ADAM11: variants seen among roughly 807,000 people sequenced by gnomAD.
ADAM11 encodes the protein disintegrin and metalloproteinase domain-containing protein 11.
Under a neutral mutation model 119.1 loss-of-function variants are expected in ADAM11, and 49 were observed. That is an observed-to-expected ratio of 0.41 (90% CI 0.33 to 0.52). ADAM11 has a LOEUF of 0.52. Ranked by LOEUF, ADAM11 falls within the 20% of genes least tolerant of loss-of-function variation. The probability of loss-of-function intolerance (pLI) is 0.20; values close to 1 mark genes in which losing one functional copy is unlikely to be tolerated. For missense variants in ADAM11, 777 were observed against 1,047.5 expected (o/e 0.74, Z 3.56); for synonymous variants, 364 against 408.0 (o/e 0.89, Z 1.30).
At position 44,774,509 on chromosome 17, in the gene ADAM11, G is replaced by A; in HGVS notation, c.1095G>A (p.Ala365=). ...GGVNEYGNMG[A]MAVTLAQTLG... is the part of the protein sequence containing the mutation. ...ACCCCCAGTACGGCAACATGGGGGC[G>A]ATGGCCGTGACCCTTGCCCAGACGC... Residue 365 remains alanine (A), a synonymous_variant, in exon 13 of 27, where the codon GCG becomes GCA. Transcript: ENST00000200557. The A allele has an allele frequency of 1.9e-6, 3 of 1,613,114 alleles. No homozygotes were observed. Among genetic ancestry groups the A allele is most frequent in the East Asian group, 2.2e-5 (1 of 44,850 alleles).
In ADAM11 at chr17:44,779,564, C is replaced by CATCT. The variant is rs1251814926; in HGVS notation, c.2295-174_2295-171dup. ...CCGGGAGGGCCCTCCCTGTGCGTCC[C>CATCT]ATCTGTTTTGTCTTCCATATCACCA... On this transcript the variant is annotated intron_variant, in intron 26 of 26. Transcript: ENST00000200557. The CATCT allele has an allele frequency of 3.0e-6, 3 of 985,300 alleles. No homozygotes were observed. In the African/African-American group the frequency reaches 5.2e-5, roughly 17 times the overall value. The allele number at this position is 985,300 out of a possible 1,614,324, so 61.0% of individuals were successfully genotyped here.
In ADAM11 at chr17:44,772,691, C is replaced by T. The variant is rs960237426; in HGVS notation, c.679-166C>T. On this transcript the variant is annotated intron_variant, in intron 8 of 26. Coordinates refer to ENST00000200557, the MANE Select transcript of ADAM11 (RefSeq NM_002390.6). This position sits in a 1 kb window ranked among gnomAD's most constrained non-coding sequence, Gnocchi z 4.5. ...CCTGGGCAAACCGAGGCTGCCTGCC[C>T]TCATTCCAAAGCTGAGGAAGGACAG... is the stretch of plus-strand genomic sequence containing the variant. Among the ~76,000 whole-genome samples, 3 of 152,204 alleles carry T rather than the reference C, an allele frequency of 2.0e-5. No homozygotes were observed. The East Asian group carries it at 5.8e-4, about 29-fold the overall frequency.
Position 44,777,430 on chromosome 17 carries a change from A to T in ADAM11, c.1782-52A>T. ...GGGTGAGGGCAGATTAGAGTTCAGT[A>T]GTTGAGTCTGAGGTCAAACTTGGGG... On this transcript the variant is annotated intron_variant, in intron 21 of 26. Transcript: ENST00000200557. The surrounding 1 kb of genome is among the most constrained non-coding windows in gnomAD (Gnocchi z 5.1). 6.3e-7 allele frequency: 1 copy of T among 1,590,052 alleles called. No homozygotes were observed. The highest frequency in any genetic ancestry group is 8.6e-7 in the Non-Finnish European group (1 of 1,159,158).
At position 44,777,331 on chromosome 17, in the gene ADAM11, G is replaced by T. The variant is rs953762066; in HGVS notation, c.1781+66G>T. 6.5e-7 allele frequency: 1 copy of T among 1,548,376 alleles called. No individual in the cohort carries two copies. The highest frequency in any genetic ancestry group is 8.8e-7 in the Non-Finnish European group (1 of 1,137,612). ...CAGGTGTGAGACTTTTCAGAGATGG[G>T]GCAGCAGGTTCTCCCAGGAGGAGCC... On this transcript the variant is annotated intron_variant, in intron 21 of 26. Transcript: ENST00000200557. This position sits in a 1 kb window ranked among gnomAD's most constrained non-coding sequence, Gnocchi z 5.1.
intron 3 of ADAM11, 68 bp downstream of exon 3, chr17:44,769,862 C>T: frequency 6.4e-7 from 1 of 1,574,526 alleles, no homozygotes; most frequent in Non-Finnish European, 8.7e-7. Context: ...TAGGGCCTGG[C>T]TGCTGGGGGT....
rs762285647 is a variant in ADAM11, at chr17:44,780,280, C to A, written c.*526C>A. 17 of 407,248 alleles carry A rather than the reference C, an allele frequency of 4.2e-5. No homozygotes were observed. The highest frequency in any genetic ancestry group is 8.1e-5 in the Non-Finnish European group (17 of 209,570). The allele number at this position is 407,248 out of a possible 1,614,324, so 25.2% of individuals were successfully genotyped here. On this transcript the variant is annotated 3_prime_UTR_variant, in exon 27 of 27. Transcript: ENST00000200557. ...ATGTTTTGACATTTACAGGAGGGCC[C>A]GGAGAAACTGAGGTATGGCCATGCC...
intron 4 of ADAM11, 50 bp downstream of exon 4, chr17:44,770,098 TTTCTGTGG>T (rs757317211): frequency 6.3e-7 from 1 of 1,599,722 alleles, no homozygotes; most frequent in South Asian, 1.1e-5. Flanking sequence ...GGAGGTGCTG[TTTCTGTGG>T]TTCTGTGGTC....
Position 44,775,382 on chromosome 17 carries a change from C to T in ADAM11, c.1321-12C>T. 1 of 1,612,792 alleles carries T rather than the reference C, an allele frequency of 6.2e-7. No individual in the cohort carries two copies. Among genetic ancestry groups the T allele is most frequent in the South Asian group, 1.1e-5 (1 of 91,062 alleles). On this transcript the variant is annotated splice_polypyrimidine_tract_variant and intron_variant, in intron 15 of 26. Transcript: ENST00000200557. This position sits in a 1 kb window ranked among gnomAD's most constrained non-coding sequence, Gnocchi z 7.5. Reference sequence around the variant, plus strand: ...GTCCGGGCCAGACTCCCGACCTGTCCTCCCGGTCCAGCTCCTGGACCCCCC... The same window carrying T: ...GTCCGGGCCAGACTCCCGACCTGTCTTCCCGGTCCAGCTCCTGGACCCCCC...
rs899474287 is a variant in ADAM11 at position 44,773,952 on chromosome 17, G to C, written c.993-343G>C. Among the ~76,000 whole-genome samples the C allele has an allele frequency of 6.6e-6, 1 of 152,272 alleles. No homozygotes were observed. The highest frequency in any genetic ancestry group is 6.5e-5 in the Admixed American group (1 of 15,300). ...CTCAAAATACAAAAATTAGCCAGGC[G>C]TGGTGGTGTGCACCTGTAGTCCCAG... is the stretch of plus-strand genomic sequence containing the variant. On this transcript the variant is annotated intron_variant, in intron 11 of 26. Coordinates refer to ENST00000200557, the MANE Select transcript of ADAM11 (RefSeq NM_002390.6). This position sits in a 1 kb window ranked among gnomAD's most constrained non-coding sequence, Gnocchi z 4.6.
At position 44,777,851 on chromosome 17, in the gene ADAM11, C is replaced by T. The variant is rs1184145089; in HGVS notation, c.2058C>T (p.Cys686=). ...TCPGSGERRI[C]SHHGVCSNEG... is the part of the protein sequence containing the mutation. The stretch of plus-strand genomic sequence containing the variant: ...CCGGCAGTGGGGAGCGCCGGATTTG[C>T]TCCCACCACGGGGTGACTGCCTGGA... Residue 686 remains cysteine (C), a synonymous_variant, in exon 23 of 27, where the codon TGC becomes TGT. Coordinates refer to ENST00000200557, the MANE Select transcript of ADAM11 (RefSeq NM_002390.6). This position sits in a 1 kb window ranked among gnomAD's most constrained non-coding sequence, Gnocchi z 5.1. 4 of 1,613,588 alleles carry T rather than the reference C, an allele frequency of 2.5e-6. No homozygotes were observed. The highest frequency in any genetic ancestry group is 3.4e-6 in the Non-Finnish European group (4 of 1,179,966).
chr17:44,774,377 G>A lies in ADAM11; in HGVS notation c.1075G>A (p.Glu359Lys), dbSNP rs761267256. Residue 359 changes from glutamate to lysine, a missense_variant and splice_region_variant, in exon 12 of 27, where the codon GAG (glutamate) becomes AAG (lysine). By Grantham distance (56) the Glu-to-Lys change is moderately conservative. Around this residue, in one of 4 missense-constraint regions of ADAM11, gnomAD observed 147 missense variants for 223.3 expected, o/e 0.66. Transcript: ENST00000200557. Reference protein sequence around the residue: ...CSLSHGGGVNEYGNMGAMAVT... With the variant: ...CSLSHGGGVNKYGNMGAMAVT... ...CCTGTCCCACGGCGGGGGTGTGAACGAGGTGAGCAGTGGGGGGACATGGCT... is the reference window on the plus strand; with the variant it reads ...CCTGTCCCACGGCGGGGGTGTGAACAAGGTGAGCAGTGGGGGGACATGGCT... The A allele has an allele frequency of 4.0e-6, 6 of 1,496,212 alleles. No individual in the cohort carries two copies. The highest frequency in any genetic ancestry group is 3.6e-6 in the Non-Finnish European group (4 of 1,115,398). The allele number at this position is 1,496,212 out of a possible 1,614,324, so 92.7% of individuals were successfully genotyped here.
At chr17:44,769,644 G>A in intron 2 of ADAM11, 74 bp from the exon 3 acceptor site, 2 of 967,416 alleles carry the variant, frequency 2.1e-6, no homozygotes, top group Non-Finnish European at 3.3e-6. Flanking sequence ...GGCTACTGTT[G>A]CTCCCGGGAT....
chr17:44,771,905 C>A (rs973628694), intron 6 of ADAM11, 74 bp downstream of exon 6: 4 of 1,501,924 alleles, frequency 2.7e-6, no homozygotes, highest in Non-Finnish European at 3.6e-6. Context: ...GTTGCTGCCA[C>A]CTCTTCCTCC....
chr17:44,776,337 A>G lies in ADAM11; in HGVS notation c.1566+130A>G. On this transcript the variant is annotated intron_variant, in intron 18 of 26. Coordinates refer to ENST00000200557, the MANE Select transcript of ADAM11 (RefSeq NM_002390.6). The surrounding 1 kb of genome is among the most constrained non-coding windows in gnomAD (Gnocchi z 5.2). ...GCTGGCATCGACCTCCACTGATCAG[A>G]CTGTTTTCTTATCTGAGAAAGGGGT... 3 of 929,048 alleles carry G rather than the reference A, an allele frequency of 3.2e-6. No individual in the cohort carries two copies. Among genetic ancestry groups the G allele is most frequent in the Non-Finnish European group, 5.0e-6 (3 of 606,044 alleles). The allele number at this position is 929,048 out of a possible 1,614,324, so 57.6% of individuals were successfully genotyped here. A position where few individuals can be genotyped will look rare whatever the true frequency, so the allele number is the denominator to read the frequency against.
intron 2 of ADAM11, among the ~76,000 whole-genome samples, chr17:44,763,120 A>G (rs1300783692): frequency 1.3e-5 from 2 of 152,216 alleles, no homozygotes; most frequent in Non-Finnish European, 2.9e-5. Flanking sequence ...TAGGCTACAG[A>G]GTGAGATCCT....
In ADAM11 at chr17:44,769,818, A is replaced by G. The variant is rs1204408099; in HGVS notation, c.314+24A>G. 6 of 1,611,014 alleles carry G rather than the reference A, an allele frequency of 3.7e-6. No individual in the cohort carries two copies. The Admixed American group carries it at 1.0e-4, about 27-fold the overall frequency. On this transcript the variant is annotated intron_variant, in intron 3 of 26. Transcript: ENST00000200557. ...CAGTGAGTGTGGCCTTGAGCCCAAGAGGAAGGGCAGTGGTGGGGCGGGGGA... is the reference window on the plus strand; with the variant it reads ...CAGTGAGTGTGGCCTTGAGCCCAAGGGGAAGGGCAGTGGTGGGGCGGGGGA...
rs1186095089 is a variant in ADAM11, at chr17:44,777,716, G to A, written c.1923G>A (p.Ala641=). The A allele has an allele frequency of 1.1e-5, 17 of 1,613,828 alleles. No homozygotes were observed. Among genetic ancestry groups the A allele is most frequent in the South Asian group, 3.3e-5 (3 of 91,086 alleles). Residue 641 remains alanine, a synonymous_variant, in exon 23 of 27, where the codon GCG becomes GCA. Transcript: ENST00000200557. This position sits in a 1 kb window ranked among gnomAD's most constrained non-coding sequence, Gnocchi z 5.1. ...LDCRGGHVQL[A]DGSDLSYVED... ...CCAGGGGAGGCCACGTGCAGCTGGC[G>A]GACGGCTCTGACCTGAGCTATGTGG...
At chr17:44,771,854 C>T (rs987475069) in intron 6 of ADAM11, 23 bp downstream of exon 6, 1 of 1,590,708 alleles carries the variant, frequency 6.3e-7, no homozygotes, top group East Asian at 2.3e-5. Context: ...CAACCCCTTG[C>T]CATCCTCTCT....
chr17:44,770,022 C>T lies in ADAM11; in HGVS notation c.355C>T (p.Arg119Trp), dbSNP rs769960714. ...GCAATACGTGGAGCGCCACTTCAGC[C>T]GGGAGGGGACAACCCAGCACAGCAC... ...SSQYVERHFS[R>W]EGTTQHSTGA... Residue 119 changes from arginine to tryptophan, a missense_variant, in exon 4 of 27, where the codon CGG becomes TGG. Physicochemically the swap from Arg to Trp is moderately radical, Grantham distance 101. This residue lies in a region of ADAM11 where 278 missense variants were observed against 310.1 expected (regional missense o/e 0.90). Coordinates refer to ENST00000200557, the MANE Select transcript of ADAM11 (RefSeq NM_002390.6). The T allele has an allele frequency of 3.1e-6, 5 of 1,613,986 alleles. No individual in the cohort carries two copies. Among genetic ancestry groups the T allele is most frequent in the African/African-American group, 1.3e-5 (1 of 74,934 alleles).
Sources: gnomAD v4.1 joint callset for allele counts (sites outside exome capture counted in the v4.1 genomes callset) on GRCh38, gnomAD v4.1.1 for gene constraint, gnomAD v4.1.1 regional missense constraint, Gnocchi (gnomAD v3.1) non-coding constraint, MANE v1.5 for transcripts, NCBI Gene and HGNC (gene_info 2026-07-23, HGNC 2026-07-21) for gene names.